The following SPDL1 variants were observed in gnomAD, a reference collection of about 807,000 sequenced individuals.
The protein encoded by SPDL1 is spindle apparatus coiled-coil protein 1, also known as protein Spindly.
In SPDL1, 85 loss-of-function variants were observed where a neutral mutation model predicts 79.5. That is an observed-to-expected ratio of 1.07 (90% confidence interval 0.90 to 1.28). The LOEUF (loss-of-function observed/expected upper bound fraction) is 1.28. Ranked by LOEUF, SPDL1 falls within the 50% of genes most tolerant of loss-of-function variation. The pLI is 0.00. For missense variants in SPDL1, 703 were observed against 697.8 expected (o/e 1.01, Z -0.08); for synonymous variants, 269 against 240.3 (o/e 1.12, Z -1.10).
intron 11 of SPDL1, among the ~76,000 whole-genome samples, chr5:169,603,112 TG>T (rs1380189523): frequency 1.3e-5 from 2 of 152,148 alleles, no homozygotes; most frequent in Non-Finnish European, 2.9e-5. Context: ...CATTTGTGTG[TG>T]TGTGTGTGTG....
chr5:169,585,412 CAGCAAATTTTTTGAATAAACTAA>C (rs1451211418), intron 1 of SPDL1, among the ~76,000 whole-genome samples: 6 of 152,176 alleles, frequency 3.9e-5, no homozygotes, highest in African/African-American at 1.4e-4. Flanking sequence ...ATAAGAATTC[CAGCAAATTTTTTGAATAAACTAA>C]AGCAAATTTT....
intron 9 of SPDL1, 24 bp from the exon 10 acceptor site, chr5:169,598,948 G>C (rs770391812): frequency 1.3e-6 from 2 of 1,513,778 alleles, no homozygotes; most frequent in Non-Finnish European, 1.8e-6. Context: ...AATACTCGTT[G>C]GTTCTCCTTT....
chr5:169,599,554 G>T (rs1413802613), intron 10 of SPDL1, among the ~76,000 whole-genome samples: 1 of 152,172 alleles, frequency 6.6e-6, no homozygotes, highest in Non-Finnish European at 1.5e-5. Flanking sequence ...ACTTTAAAAA[G>T]GTGGGTCTTT....
At chr5:169,601,679 C>G (rs764991066) in intron 11 of SPDL1, 54 bp downstream of exon 11, 3 of 1,431,570 alleles carry the variant, frequency 2.1e-6, no homozygotes, top group Non-Finnish European at 2.9e-6. Flanking sequence ...TCTCTCCTCT[C>G]TCGCTGCATG....
chr5:169,585,726 T>C (rs938496692), intron 1 of SPDL1, among the ~76,000 whole-genome samples: 4 of 152,178 alleles, frequency 2.6e-5, no homozygotes, highest in Non-Finnish European at 5.9e-5. Flanking sequence ...CTAGAACACC[T>C]TTTTTTCTCT....
At chr5:169,601,878 C>T in intron 11 of SPDL1, 1 of 540,938 alleles carries the variant, frequency 1.8e-6, no homozygotes, top group Non-Finnish European at 3.3e-6. Flanking sequence ...AAGGGAATAT[C>T]ACAGTTTAAC....
chr5:169,592,214 C>CTTT lies in SPDL1; in HGVS notation c.336+1008_336+1010dup, dbSNP rs397884840. Among the ~76,000 whole-genome samples the CTTT allele has an allele frequency of 4.4e-3, 428 of 97,072 alleles. 7 individuals carry two copies. Among genetic ancestry groups the CTTT allele is most frequent in the Non-Finnish European group, 5.8e-3 (302 of 52,410 alleles). 63.7% of individuals were successfully genotyped at this position (97,072 alleles called of 152,430 possible). A position where few individuals can be genotyped will look rare whatever the true frequency, so the allele number is the denominator to read the frequency against. On this transcript the variant is annotated intron_variant, in intron 3 of 11. Coordinates refer to ENST00000265295, the MANE Select transcript of SPDL1 (RefSeq NM_017785.5). ...ACATCAATGAAAGTATTTTTTTTTC[C>CTTT]TTTTTTTTTTTTTTTTTTTTGAGGC...
rs752006683 is a variant in SPDL1 at position 169,604,224 on chromosome 5, A to C, written c.*17A>C. 64 of 1,544,652 alleles carry C rather than the reference A, an allele frequency of 4.1e-5. 5 individuals carry two copies. In the South Asian group the frequency reaches 8.1e-4, roughly 19 times the overall value. ...CAACAGTAAAGACTTGTCTTTAATAAGAGTACGGTGCCACTTGCCTCAAAA... is the reference window on the plus strand; with the variant it reads ...CAACAGTAAAGACTTGTCTTTAATACGAGTACGGTGCCACTTGCCTCAAAA... On this transcript the variant is annotated 3_prime_UTR_variant, in exon 12 of 12. Coordinates refer to ENST00000265295, the MANE Select transcript of SPDL1 (RefSeq NM_017785.5).
chr5:169,591,040 G>T lies in SPDL1; in HGVS notation c.160-8G>T, dbSNP rs1485762118. The T allele has an allele frequency of 1.2e-6, 2 of 1,605,094 alleles. No individual in the cohort carries two copies. The highest frequency in any genetic ancestry group is 2.2e-5 in the East Asian group (1 of 44,754). On this transcript the variant is annotated splice_region_variant and splice_polypyrimidine_tract_variant and intron_variant, in intron 2 of 11. Transcript: ENST00000265295. ...ATGTAATTGAATTGTAATTGAATCT[G>T]TTTTCAGAGTTATGAACAAGAAAAA...
chr5:169,598,842 C>A, intron 9 of SPDL1, 130 bp from the exon 10 acceptor site: 1 of 1,252,150 alleles, frequency 8.0e-7, no homozygotes, highest in Non-Finnish European at 1.1e-6. Flanking sequence ...TTTATTGTTT[C>A]TTTGTTACTA....
At chr5:169,586,426 T>G (rs1754988144) in intron 1 of SPDL1, 1 of 152,312 alleles carries the variant, frequency 6.6e-6, no homozygotes, top group South Asian at 2.1e-4. Flanking sequence ...ATAACAGGGT[T>G]CAGTCGTTGG....
intron 8 of SPDL1, among the ~76,000 whole-genome samples, chr5:169,598,101 A>G (rs1755684258): frequency 6.6e-6 from 1 of 151,996 alleles, no homozygotes; most frequent in Non-Finnish European, 1.5e-5. Context: ...TTCCTTTCAT[A>G]TTTTTCCAGT....
Position 169,594,392 on chromosome 5 carries a change from A to G in SPDL1, c.682-2A>G. The G allele has an allele frequency of 1.2e-6, 2 of 1,613,980 alleles. No homozygotes were observed. The highest frequency in any genetic ancestry group is 1.7e-6 in the Non-Finnish European group (2 of 1,179,872). On this transcript the variant is annotated splice_acceptor_variant, in intron 5 of 11. Transcript: ENST00000265295. LOFTEE classifies it high-confidence loss of function. ...GCCTAAATTGTTTTCTTTTGAATTT[A>G]GAAAGCTCGTGTAGCAAATCAAGAT... is the stretch of plus-strand genomic sequence containing the variant.
At chr5:169,600,241 G>A (rs1386245257) in intron 10 of SPDL1, among the ~76,000 whole-genome samples, 1 of 152,136 alleles carries the variant, frequency 6.6e-6, no homozygotes, top group African/African-American at 2.4e-5. Flanking sequence ...ACAATAGTGG[G>A]GAGGTTGCCA....
chr5:169,602,521 T>TA (rs1345358401), intron 11 of SPDL1, among the ~76,000 whole-genome samples: 1 of 152,226 alleles, frequency 6.6e-6, no homozygotes, highest in African/African-American at 2.4e-5. Flanking sequence ...ACCTTAGTCT[T>TA]AGAGAGTGGA....
rs772693446 is a variant in SPDL1, at chr5:169,604,047, T to G, written c.1671-13T>G. The G allele has an allele frequency of 1.9e-6, 3 of 1,602,242 alleles. No homozygotes were observed. The highest frequency in any genetic ancestry group is 2.6e-6 in the Non-Finnish European group (3 of 1,175,392). ...CACATTTGAATTCAGAGTGGATGCT[T>G]TAATGCCTGTAGGTTAGCTGCTGAA... On this transcript the variant is annotated splice_polypyrimidine_tract_variant and intron_variant, in intron 11 of 11. Transcript: ENST00000265295.
intron 7 of SPDL1, chr5:169,595,203 A>G (rs2113362564): frequency 6.5e-6 from 1 of 152,848 alleles, no homozygotes; most frequent in East Asian, 1.9e-4. Context: ...AAGAGGTAGC[A>G]GAAAAACATG....
At position 169,601,380 on chromosome 5, in the gene SPDL1, AG is replaced by A. The variant is rs776817114; in HGVS notation, c.1426del (p.Glu476LysfsTer19). On this transcript the variant is annotated frameshift_variant, in exon 11 of 12. Coordinates refer to ENST00000265295, the MANE Select transcript of SPDL1 (RefSeq NM_017785.5). LOFTEE classifies it high-confidence loss of function. Reference sequence around the variant, plus strand: ...GTGTCAACAACAGTGCTCTCGGGGGAGAAGTTTATCGATTACCGCCTCAGAA... The same window carrying A: ...GTGTCAACAACAGTGCTCTCGGGGGAAAGTTTATCGATTACCGCCTCAGAA... ...ACVNNSALGG[E>X]VYRLPPQKEE... The A allele has an allele frequency of 1.9e-4, 308 of 1,613,934 alleles. No individual in the cohort carries two copies. Among genetic ancestry groups the A allele is most frequent in the Non-Finnish European group, 2.5e-4 (298 of 1,180,024 alleles).
chr5:169,598,308 A>G (rs1755696972), intron 8 of SPDL1, among the ~76,000 whole-genome samples, 168 bp from the exon 9 acceptor site: 2 of 152,318 alleles, frequency 1.3e-5, no homozygotes, highest in South Asian at 4.1e-4. Context: ...GTAAGAGAGG[A>G]ATGTTAATTA....
Sources: gnomAD v4.1 joint callset for allele counts (sites outside exome capture counted in the v4.1 genomes callset) on GRCh38, gnomAD v4.1.1 for gene constraint, MANE v1.5 for transcripts, NCBI Gene and HGNC (gene_info 2026-07-23, HGNC 2026-07-21) for gene names.